Variants in IL1RAPL2 observed in about 807,000 individuals in gnomAD.
The protein encoded by IL1RAPL2 is interleukin 1 receptor accessory protein like 2.
IL1RAPL2 carries 3 observed loss-of-function variants against 44.1 expected under a neutral mutation model. The observed-to-expected ratio is 0.07, with a 90% CI of 0.03 to 0.18. IL1RAPL2 has a LOEUF of 0.18. Ranked by LOEUF, IL1RAPL2 falls within the 10% of genes least tolerant of loss-of-function variation. The pLI is 1.00. For missense variants in IL1RAPL2, 391 were observed against 496.4 expected (o/e 0.79, Z 2.02); for synonymous variants, 181 against 178.8 (o/e 1.01, Z -0.10).
chrX:104,723,178 A>G (rs1931717699), intron 2 of IL1RAPL2, among the ~76,000 whole-genome samples: 1 of 111,266 alleles, frequency 9.0e-6, no homozygotes, highest in Non-Finnish European at 1.9e-5. Flanking sequence ...TTGAAAATTT[A>G]AATGTGTGTT....
At chrX:104,944,500 A>T (rs1465081307) in intron 2 of IL1RAPL2, among the ~76,000 whole-genome samples, 3 of 111,978 alleles carry the variant, frequency 2.7e-5, no homozygotes, top group African/African-American at 9.7e-5. Context: ...TGATCTTGCT[A>T]TGTGAACTTT....
At chrX:105,649,818 G>C (rs2037630725) in intron 6 of IL1RAPL2, among the ~76,000 whole-genome samples, 1 of 111,845 alleles carries the variant, frequency 8.9e-6, no homozygotes, top group South Asian at 3.7e-4. Flanking sequence ...ACAAGAGATT[G>C]AAAGACATGT....
chrX:105,217,543 G>C lies in IL1RAPL2; in HGVS notation c.357-16275G>C, dbSNP rs782558176. On this transcript the variant is annotated intron_variant, in intron 3 of 10. Coordinates refer to ENST00000372582, the MANE Select transcript of IL1RAPL2 (RefSeq NM_017416.2). ...CAACCATTGTGGAAGTCAGTGTGGC[G>C]ATTCCTCAGGGATGTAGAACTAGAA... Among the ~76,000 whole-genome samples the C allele has an allele frequency of 3.6e-5, 4 of 111,943 alleles. 1 individual carries two copies. The highest frequency in any genetic ancestry group is 1.3e-4 in the African/African-American group (4 of 30,749).
At chrX:104,658,586 C>T (rs1329237566) in intron 1 of IL1RAPL2, among the ~76,000 whole-genome samples, 1 of 112,056 alleles carries the variant, frequency 8.9e-6, no homozygotes, top group Non-Finnish European at 1.9e-5. Context: ...GCACGTTGTG[C>T]ACATGTACAC....
chrX:105,467,205 G>A (rs1381793820), intron 5 of IL1RAPL2, among the ~76,000 whole-genome samples: 1 of 111,591 alleles, frequency 9.0e-6, no homozygotes, highest in East Asian at 2.8e-4. Flanking sequence ...ATCAACTACA[G>A]GGTATTGTCT....
intron 2 of IL1RAPL2, among the ~76,000 whole-genome samples, chrX:104,968,530 T>C (rs889353072): frequency 1.8e-5 from 2 of 110,895 alleles, no homozygotes; most frequent in African/African-American, 6.5e-5. Context: ...GTACCAGAGG[T>C]CCTAATCAGT....
intron 2 of IL1RAPL2, among the ~76,000 whole-genome samples, chrX:105,183,154 G>A (rs911428742): frequency 3.6e-5 from 4 of 111,307 alleles, no homozygotes; most frequent in Admixed American, 1.9e-4. Flanking sequence ...AGGGCAGGAT[G>A]ACCCACTGTG....
chrX:104,859,273 A>G (rs1331127898), intron 2 of IL1RAPL2, among the ~76,000 whole-genome samples: 1 of 111,749 alleles, frequency 8.9e-6, no homozygotes, highest in Non-Finnish European at 1.9e-5. Flanking sequence ...AAAGGAGACG[A>G]TGAAGATTTT....
intron 2 of IL1RAPL2, among the ~76,000 whole-genome samples, chrX:104,676,344 C>G (rs764165069): frequency 3.6e-5 from 4 of 111,033 alleles, no homozygotes; most frequent in Non-Finnish European, 7.5e-5. Context: ...GATTTTATTT[C>G]TCCTTCACTT....
chrX:105,389,732 C>A (rs2035507256), intron 5 of IL1RAPL2, among the ~76,000 whole-genome samples: 1 of 111,212 alleles, frequency 9.0e-6, no homozygotes, highest in Admixed American at 9.6e-5. Context: ...TGAATTTTCA[C>A]CTTTAAGTAG....
intron 2 of IL1RAPL2, among the ~76,000 whole-genome samples, chrX:104,817,870 A>G (rs896264095): frequency 9.0e-6 from 1 of 111,425 alleles, no homozygotes; most frequent in Non-Finnish European, 1.9e-5. Context: ...AAAAGATGAT[A>G]TATATAGAGA....
intron 2 of IL1RAPL2, among the ~76,000 whole-genome samples, chrX:105,155,454 G>A (rs953108581): frequency 4.5e-5 from 5 of 111,177 alleles, no homozygotes; most frequent in African/African-American, 1.6e-4. Context: ...TAGTAGGCCT[G>A]GCTGAGCTGG....
At chrX:104,864,864 G>A (rs1922577346) in intron 2 of IL1RAPL2, among the ~76,000 whole-genome samples, 1 of 31,718 alleles carries the variant, frequency 3.2e-5, no homozygotes, top group Non-Finnish European at 5.6e-5. Context: ...CTGGCTCTGA[G>A]CTGACATTGA....
chrX:105,481,975 T>A (rs1398306192), intron 5 of IL1RAPL2, among the ~76,000 whole-genome samples: 1 of 112,237 alleles, frequency 8.9e-6, no homozygotes, highest in Non-Finnish European at 1.9e-5. Flanking sequence ...CATCTAGAAA[T>A]ATTTCATACA....
chrX:105,550,719 A>G (rs1033565462), intron 6 of IL1RAPL2, among the ~76,000 whole-genome samples: 4 of 111,404 alleles, frequency 3.6e-5, no homozygotes, highest in Non-Finnish European at 7.5e-5. Context: ...TTAAATGCAG[A>G]TATGGTCACA....
At chrX:105,428,344 T>G (rs2147749413) in intron 5 of IL1RAPL2, among the ~76,000 whole-genome samples, 1 of 111,847 alleles carries the variant, frequency 8.9e-6, no homozygotes. Context: ...CTGGACTTAT[T>G]CTCATTTCCA....
intron 2 of IL1RAPL2, among the ~76,000 whole-genome samples, chrX:104,945,249 T>G (rs1443043683): frequency 9.1e-6 from 1 of 110,429 alleles, no homozygotes; most frequent in Non-Finnish European, 1.9e-5. Context: ...AATGACAAAA[T>G]AAAGTTTAAA....
At chrX:104,571,146 T>C (rs1227534798) in intron 1 of IL1RAPL2, among the ~76,000 whole-genome samples, 1 of 111,491 alleles carries the variant, frequency 9.0e-6, no homozygotes, top group Non-Finnish European at 1.9e-5. Flanking sequence ...CAGTTAGGTC[T>C]TCTAGATTCT....
chrX:105,087,308 C>G (rs1361009393), intron 2 of IL1RAPL2, among the ~76,000 whole-genome samples: 2 of 111,639 alleles, frequency 1.8e-5, no homozygotes, highest in African/African-American at 6.5e-5. Context: ...GGGATATACA[C>G]TTTAATATAT....
Sources: gnomAD v4.1 joint callset for allele counts (sites outside exome capture counted in the v4.1 genomes callset) on GRCh38, gnomAD v4.1.1 for gene constraint, MANE v1.5 for transcripts, NCBI Gene and HGNC (gene_info 2026-07-23, HGNC 2026-07-21) for gene names.